AFG1L: variants seen among roughly 807,000 people sequenced by gnomAD.
The protein encoded by AFG1L is AFG1-like ATPase.
AFG1L carries 53 observed loss-of-function variants against 62.2 expected under a neutral mutation model. The ratio of observed to expected loss-of-function variants is 0.85; its 90% CI spans 0.68 to 1.07. AFG1L has a LOEUF of 1.07. Among genes scored for constraint, AFG1L ranks in the 50% least tolerant of loss-of-function variants. The probability of loss-of-function intolerance (pLI) is 0.00; values close to 1 mark genes in which losing one functional copy is unlikely to be tolerated. For synonymous variants in AFG1L, 228 were observed against 210.3 expected, an observed-to-expected ratio of 1.08 and a Z score of -0.73; for missense variants, 555 against 590.5, an observed-to-expected ratio of 0.94 and a Z score of 0.62.
At chr6:108,332,260 C>A (rs576144922) in intron 2 of AFG1L, among the ~76,000 whole-genome samples, 2 of 152,298 alleles carry the variant, frequency 1.3e-5, no homozygotes, top group Admixed American at 1.3e-4. Flanking sequence ...CAAAGTCCTG[C>A]TTGAACTTTA....
chr6:108,447,256 C>T lies in AFG1L; in HGVS notation c.850C>T (p.Arg284Trp), dbSNP rs376377256. The change falls in exon 8 of 13, where the codon CGG (arginine) becomes TGG (tryptophan). Residue 284 changes from arginine to tryptophan, a missense_variant. Coordinates refer to ENST00000368977, the MANE Select transcript of AFG1L (RefSeq NM_145315.5). ...TVQLDSGIDY[R>W]KRELPAAGKL... ...CCAGCTAGATTCTGGGATAGATTAC[C>T]GGAAAAGGGAACTTCCTGCTGCAGG... is the stretch of plus-strand genomic sequence containing the variant. 1.2e-5 allele frequency: 19 copies of T among 1,608,522 alleles called. No individual in the cohort carries two copies. The highest frequency in any genetic ancestry group is 1.3e-5 in the African/African-American group (1 of 74,756).
chr6:108,514,061 TAGAA>T (rs1259983129), intron 11 of AFG1L, among the ~76,000 whole-genome samples: 1 of 152,132 alleles, frequency 6.6e-6, no homozygotes, highest in Non-Finnish European at 1.5e-5. Context: ...TCCTGACTGT[TAGAA>T]AGAAAACTGA....
chr6:108,525,334 G>C lies in AFG1L; in HGVS notation c.*2909G>C, dbSNP rs1054748284. On this transcript the variant is annotated 3_prime_UTR_variant, in exon 13 of 13. Transcript: ENST00000368977. ...TAATCCTGAGATGAAAAACAGGATG[G>C]ACTTAAGTAATTTTTAACCTATTTC... 6.6e-6 allele frequency: 1 copy of C among 152,168 alleles called. No homozygotes were observed. The highest frequency in any genetic ancestry group is 1.5e-5 in the Non-Finnish European group (1 of 68,032). The allele number at this position is 152,168 out of a possible 1,614,324, so 9.4% of individuals were successfully genotyped here.
At chr6:108,473,501 G>T (rs1411011437) in intron 8 of AFG1L, among the ~76,000 whole-genome samples, 1 of 152,208 alleles carries the variant, frequency 6.6e-6, no homozygotes, top group Non-Finnish European at 1.5e-5. Flanking sequence ...ACCATACTGA[G>T]TGGGTGGTGT....
chr6:108,356,836 T>G lies in AFG1L; in HGVS notation c.648+16T>G. 1 of 1,599,314 alleles carries G rather than the reference T, an allele frequency of 6.3e-7. No individual in the cohort carries two copies. Among genetic ancestry groups the G allele is most frequent in the South Asian group, 1.1e-5 (1 of 88,208 alleles). ...TGAATTTCAGGTAAAGTAGAGATTT[T>G]TCATAGATATAGAATGGTATATTGA... is the stretch of plus-strand genomic sequence containing the variant. On this transcript the variant is annotated intron_variant, in intron 5 of 12. Coordinates refer to ENST00000368977, the MANE Select transcript of AFG1L (RefSeq NM_145315.5).
Position 108,424,568 on chromosome 6 carries a change from G to A in AFG1L, c.807+22514G>A, listed in dbSNP as rs1770733063. On this transcript the variant is annotated intron_variant, in intron 7 of 12. Coordinates refer to ENST00000368977, the MANE Select transcript of AFG1L (RefSeq NM_145315.5). ...TCAGGGAAATTAGGATGTTCTAGTAGGGGAAGTAGACAAAAAATGATTATT... is the reference window on the plus strand; with the variant it reads ...TCAGGGAAATTAGGATGTTCTAGTAAGGGAAGTAGACAAAAAATGATTATT... Among the ~76,000 whole-genome samples the A allele has an allele frequency of 1.3e-5, 2 of 151,888 alleles. 1 individual carries two copies. The highest frequency in any genetic ancestry group is 4.2e-4 in the South Asian group (2 of 4,818).
At chr6:108,466,172 G>A (rs1241502656) in intron 8 of AFG1L, among the ~76,000 whole-genome samples, 2 of 152,144 alleles carry the variant, frequency 1.3e-5, no homozygotes, top group African/African-American at 4.8e-5. Context: ...GCAAGGATGT[G>A]GAGAAAATGG....
At chr6:108,521,844 A>C (rs1475622452) in intron 12 of AFG1L, 1 of 153,408 alleles carries the variant, frequency 6.5e-6, no homozygotes, top group Non-Finnish European at 1.5e-5. Context: ...TGGCTTTTAG[A>C]TCCCAGGCAC....
At chr6:108,314,675 C>T (rs1270639769) in intron 1 of AFG1L, among the ~76,000 whole-genome samples, 3 of 152,108 alleles carry the variant, frequency 2.0e-5, no homozygotes, top group Admixed American at 6.5e-5. Context: ...GCTAGGATTA[C>T]AGGCGTGAGC....
At chr6:108,456,576 C>T (rs1403431040) in intron 8 of AFG1L, among the ~76,000 whole-genome samples, 3 of 151,944 alleles carry the variant, frequency 2.0e-5, no homozygotes, top group African/African-American at 7.3e-5. Context: ...ACTACCATCA[C>T]CACTATCTAA....
intron 7 of AFG1L, among the ~76,000 whole-genome samples, chr6:108,416,244 G>A (rs550252237): frequency 2.6e-4 from 39 of 152,300 alleles, no homozygotes; most frequent in African/African-American, 8.9e-4. Context: ...ACCAGTTTTA[G>A]AATGGCAATC....
chr6:108,483,375 A>G (rs913115372), intron 10 of AFG1L, among the ~76,000 whole-genome samples: 7 of 152,202 alleles, frequency 4.6e-5, no homozygotes, highest in African/African-American at 1.4e-4. Flanking sequence ...CATATAAGCA[A>G]ACATTCCTTG....
intron 6 of AFG1L, among the ~76,000 whole-genome samples, chr6:108,374,947 T>G (rs1780178596): frequency 6.6e-6 from 1 of 152,222 alleles, no homozygotes; most frequent in Non-Finnish European, 1.5e-5. Context: ...ATGACATAGA[T>G]TCTTCCAATC....
chr6:108,358,781 G>A (rs909071775), intron 5 of AFG1L, among the ~76,000 whole-genome samples: 7 of 152,150 alleles, frequency 4.6e-5, no homozygotes, highest in African/African-American at 1.4e-4. Flanking sequence ...TGATCCACCC[G>A]CCTCAGCCTC....
At chr6:108,305,476 T>C (rs183927018) in intron 1 of AFG1L, among the ~76,000 whole-genome samples, 82 of 152,248 alleles carry the variant, frequency 5.4e-4, no homozygotes, top group South Asian at 1.2e-3. Context: ...GCCTCAACCT[T>C]CTGGGCTCAT....
At chr6:108,352,302 A>C (rs1779111584) in intron 3 of AFG1L, among the ~76,000 whole-genome samples, 1 of 152,180 alleles carries the variant, frequency 6.6e-6, no homozygotes, top group Admixed American at 6.5e-5. Flanking sequence ...ATTCATCCAT[A>C]TTATTGTGTA....
chr6:108,419,990 C>T (rs1218164400), intron 7 of AFG1L, among the ~76,000 whole-genome samples: 2 of 152,114 alleles, frequency 1.3e-5, no homozygotes, highest in Non-Finnish European at 2.9e-5. Flanking sequence ...TTTCCTGCCA[C>T]AGTTTTCATT....
At chr6:108,491,894 T>C (rs1562193424) in intron 10 of AFG1L, among the ~76,000 whole-genome samples, 2 of 152,216 alleles carry the variant, frequency 1.3e-5, no homozygotes, top group Non-Finnish European at 2.9e-5. Context: ...TTTCCAGCTC[T>C]GATTAAGCTT....
chr6:108,391,335 A>G (rs1022109978), intron 6 of AFG1L, among the ~76,000 whole-genome samples: 1 of 152,146 alleles, frequency 6.6e-6, no homozygotes, highest in African/African-American at 2.4e-5. Flanking sequence ...TGCAGGAGTA[A>G]GGTGGTATTG....
Sources: allele counts gnomAD v4.1 joint callset (sites outside exome capture counted in the v4.1 genomes callset), GRCh38; gene constraint gnomAD v4.1.1; transcripts MANE v1.5; gene names NCBI Gene and HGNC (gene_info 2026-07-23, HGNC 2026-07-21).